The following GSE1 variants were observed in gnomAD, a reference collection of about 807,000 sequenced individuals.
GSE1 encodes Gse1 coiled-coil protein.
In GSE1, 32 loss-of-function variants were observed where a neutral mutation model predicts 112.6. The observed-to-expected ratio is 0.28, with a 90% CI of 0.21 to 0.38. The LOEUF is 0.38. Among genes scored for constraint, GSE1 ranks in the 10% least tolerant of loss-of-function variants. The probability of loss-of-function intolerance (pLI) is 1.00; values close to 1 mark genes in which losing one functional copy is unlikely to be tolerated. For missense variants in GSE1, 2,348 were observed against 1,699.2 expected (o/e 1.38, Z -6.71); for synonymous variants, 1,115 against 735.6 (o/e 1.52, Z -8.35).
intron 1 of GSE1, among the ~76,000 whole-genome samples, chr16:85,310,998 T>A (rs1357148508): frequency 6.6e-6 from 1 of 152,188 alleles, no homozygotes; most frequent in African/African-American, 2.4e-5. Context: ...CAGGAGCAGT[T>A]TGAGGCTAAA....
chr16:85,613,439 C>A (rs747853083), intron 1 of GSE1, 41 bp downstream of exon 1: 3 of 1,515,176 alleles, frequency 2.0e-6, no homozygotes, highest in South Asian at 1.2e-5. Flanking sequence ...GTCCTCCCCC[C>A]TCCCCCCACC....
chr16:85,628,081 C>T (rs1235400237), intron 1 of GSE1, among the ~76,000 whole-genome samples: 1 of 152,184 alleles, frequency 6.6e-6, no homozygotes, highest in Non-Finnish European at 1.5e-5. Flanking sequence ...CACAGCAGGC[C>T]CAGGGGGACC....
intron 1 of GSE1, among the ~76,000 whole-genome samples, chr16:85,282,622 C>A (rs190569809): frequency 6.6e-6 from 1 of 152,298 alleles, no homozygotes; most frequent in East Asian, 1.9e-4. Flanking sequence ...AGGAGCTGCT[C>A]GTTAAAAGCT....
intron 1 of GSE1, among the ~76,000 whole-genome samples, chr16:85,247,156 G>A (rs1040158552): frequency 2.6e-5 from 4 of 152,124 alleles, no homozygotes; most frequent in African/African-American, 4.8e-5. Flanking sequence ...GCTCTCATCT[G>A]TGGTTTCTCT....
At chr16:85,472,129 G>GA (rs1286417331) in intron 2 of GSE1, among the ~76,000 whole-genome samples, 1 of 152,178 alleles carries the variant, frequency 6.6e-6, no homozygotes, top group Non-Finnish European at 1.5e-5. Context: ...TCTCCTGGGG[G>GA]ATCTCAGACC....
chr16:85,636,985 T>C (rs745560396), intron 2 of GSE1, among the ~76,000 whole-genome samples: 5 of 152,230 alleles, frequency 3.3e-5, no homozygotes, highest in Non-Finnish European at 5.9e-5. Context: ...GGGGAACCTT[T>C]GGCGGACTTG....
chr16:85,614,062 C>G (rs2048197746), intron 1 of GSE1, among the ~76,000 whole-genome samples: 1 of 151,154 alleles, frequency 6.6e-6, no homozygotes, highest in South Asian at 2.1e-4. Flanking sequence ...TCCCCCCACC[C>G]CCGGCGGAGC....
At chr16:85,525,254 C>CA (rs922985137) in intron 2 of GSE1, among the ~76,000 whole-genome samples, 10 of 152,064 alleles carry the variant, frequency 6.6e-5, no homozygotes, top group Admixed American at 2.6e-4. Context: ...CACTTGTCCC[C>CA]CCCCCACTGA....
chr16:85,665,918 G>T, intron 12 of GSE1, 58 bp from the exon 13 acceptor site: 1 of 1,542,610 alleles, frequency 6.5e-7, no homozygotes, highest in East Asian at 2.2e-5. Flanking sequence ...CTGCGTGCTG[G>T]ACACTCAGCC....
At chr16:85,655,070 T>C (rs1406413647) in intron 5 of GSE1, 79 bp downstream of exon 5, 7 of 928,920 alleles carry the variant, frequency 7.5e-6, no homozygotes, top group African/African-American at 4.9e-5. Flanking sequence ...GGAAGGTGTT[T>C]CTTATGACCT....
chr16:85,663,229 C>A, intron 10 of GSE1, 115 bp from the exon 11 acceptor site: 1 of 1,340,356 alleles, frequency 7.5e-7, no homozygotes, highest in Non-Finnish European at 1.0e-6. Context: ...TCTTCTCCCA[C>A]CAGGCGCAGC....
chr16:85,572,194 A>T (rs1008648362), intron 1 of GSE1, among the ~76,000 whole-genome samples: 3 of 149,746 alleles, frequency 2.0e-5, no homozygotes, highest in African/African-American at 7.4e-5. Context: ...CATACTACAC[A>T]CACAACACAC....
intron 2 of GSE1, among the ~76,000 whole-genome samples, chr16:85,446,713 G>T (rs78151073): frequency 6.6e-6 from 1 of 152,194 alleles, no homozygotes; most frequent in East Asian, 1.9e-4. Context: ...CCTGGGGAAC[G>T]GAGGAACAAG....
At chr16:85,653,383 G>A (rs747012867) in intron 3 of GSE1, among the ~76,000 whole-genome samples, 14 of 140,118 alleles carry the variant, frequency 1.0e-4, no homozygotes, top group African/African-American at 1.9e-4. Context: ...TGGTTTCTCC[G>A]GGCTGGACCC....
intron 1 of GSE1, among the ~76,000 whole-genome samples, chr16:85,577,607 C>T (rs1374240820): frequency 1.3e-5 from 2 of 152,166 alleles, no homozygotes; most frequent in African/African-American, 4.8e-5. Context: ...AGGGGCTGAC[C>T]CCAGAGAGGC....
intron 1 of GSE1, among the ~76,000 whole-genome samples, chr16:85,253,577 C>A (rs1350532365): frequency 6.6e-6 from 1 of 152,220 alleles, no homozygotes; most frequent in Non-Finnish European, 1.5e-5. Flanking sequence ...CCAGGGCTCA[C>A]TGTGCCAGGG....
chr16:85,206,422 C>T (rs1231795191), intron 1 of GSE1, among the ~76,000 whole-genome samples: 2 of 152,108 alleles, frequency 1.3e-5, no homozygotes, highest in African/African-American at 4.8e-5. Context: ...AGGTTTTGAG[C>T]CTGACTGGAA....
intron 1 of GSE1, among the ~76,000 whole-genome samples, chr16:85,606,217 G>A (rs1454626328): frequency 1.1e-4 from 16 of 152,178 alleles, no homozygotes; most frequent in African/African-American, 2.4e-4. Context: ...ATGCTCTCCC[G>A]GCTTTACATC....
At chr16:85,393,671 T>C (rs1371075278) in intron 2 of GSE1, among the ~76,000 whole-genome samples, 1 of 152,226 alleles carries the variant, frequency 6.6e-6, no homozygotes, top group Non-Finnish European at 1.5e-5. Context: ...CTGTGTGATT[T>C]ACAGGACCCC....
Sources: allele counts gnomAD v4.1 joint callset (sites outside exome capture counted in the v4.1 genomes callset), GRCh38; gene constraint gnomAD v4.1.1; transcripts MANE v1.5; gene names NCBI Gene and HGNC (gene_info 2026-07-23, HGNC 2026-07-21).